L3MBTL4: variants seen among roughly 807,000 people sequenced by gnomAD.
L3MBTL4 encodes the protein lethal(3)malignant brain tumor-like protein 4.
A neutral mutation model predicts 84.5 loss-of-function variants in L3MBTL4; 70 were observed. The observed-to-expected ratio is 0.83, with a 90% CI of 0.68 to 1.01. L3MBTL4 has a LOEUF of 1.01. Ranked by LOEUF, L3MBTL4 falls within the 50% of genes least tolerant of loss-of-function variation. The pLI is 0.00. For synonymous variants in L3MBTL4, 274 were observed against 259.8 expected, an observed-to-expected ratio of 1.05 and a Z score of -0.52; for missense variants, 715 against 754.8, an observed-to-expected ratio of 0.95 and a Z score of 0.62.
At chr18:6,377,655 T>A (rs560360295) in intron 1 of L3MBTL4, among the ~76,000 whole-genome samples, 1 of 152,328 alleles carries the variant, frequency 6.6e-6, no homozygotes, top group Non-Finnish European at 1.5e-5. Flanking sequence ...CATGAACACA[T>A]CCTTTTTTAT....
At chr18:6,391,752 A>AACAACAACTACTACTACTACT (rs1555755552) in intron 1 of L3MBTL4, among the ~76,000 whole-genome samples, 2,884 of 150,058 alleles carry the variant, frequency 0.019, 102 homozygotes, top group African/African-American at 0.067. Context: ...CAACAACAAC[A>AACAACAACTACTACTACTACT]ACTACTACTA....
At chr18:6,183,404 C>T (rs188499594) in intron 12 of L3MBTL4, among the ~76,000 whole-genome samples, 70 of 152,346 alleles carry the variant, frequency 4.6e-4, no homozygotes, top group African/African-American at 1.3e-3. Flanking sequence ...GCCGACGCTG[C>T]GCCTTCACTG....
intron 16 of L3MBTL4, among the ~76,000 whole-genome samples, chr18:6,008,236 G>T (rs8096527): frequency 2.6e-5 from 4 of 152,184 alleles, no homozygotes; most frequent in Non-Finnish European, 5.9e-5. Flanking sequence ...TCCACACTCC[G>T]CTCTGTAACT....
chr18:6,391,062 T>G (rs937986565), intron 1 of L3MBTL4, among the ~76,000 whole-genome samples: 1 of 152,106 alleles, frequency 6.6e-6, no homozygotes, highest in Admixed American at 6.6e-5. Flanking sequence ...ATATCCCTGA[T>G]GAACACAGAT....
At chr18:6,237,580 C>T (rs552122587) in intron 10 of L3MBTL4, among the ~76,000 whole-genome samples, 3 of 151,410 alleles carry the variant, frequency 2.0e-5, no homozygotes, top group Admixed American at 2.0e-4. Flanking sequence ...CTCAGCCTCC[C>T]AAGTAGCTGG....
At chr18:6,223,381 T>C (rs1017261731) in intron 10 of L3MBTL4, among the ~76,000 whole-genome samples, 4 of 152,194 alleles carry the variant, frequency 2.6e-5, no homozygotes, top group Non-Finnish European at 5.9e-5. Flanking sequence ...TAACACATTA[T>C]GAAATATTAT....
chr18:6,272,656 G>T (rs1489442603), intron 4 of L3MBTL4, among the ~76,000 whole-genome samples: 1 of 92,902 alleles, frequency 1.1e-5, no homozygotes, highest in Non-Finnish European at 2.1e-5. Flanking sequence ...AATTCAACTA[G>T]GACTGAATAT....
intron 13 of L3MBTL4, among the ~76,000 whole-genome samples, chr18:6,140,242 G>A (rs971641716): frequency 1.3e-5 from 2 of 152,212 alleles, no homozygotes; most frequent in Admixed American, 1.3e-4. Flanking sequence ...CCCTTCTGAG[G>A]GGCCATAACC....
At chr18:6,053,538 T>C (rs930058148) in intron 16 of L3MBTL4, among the ~76,000 whole-genome samples, 1 of 152,210 alleles carries the variant, frequency 6.6e-6, no homozygotes, top group Non-Finnish European at 1.5e-5. Flanking sequence ...CAAAGATTAC[T>C]TCTGTGAGGA....
At chr18:6,288,738 C>A (rs1222992842) in intron 4 of L3MBTL4, among the ~76,000 whole-genome samples, 7 of 152,002 alleles carry the variant, frequency 4.6e-5, no homozygotes, top group Non-Finnish European at 4.4e-5. Context: ...GAAATAATAA[C>A]TAGCTCTAAT....
At chr18:6,036,932 G>A (rs1008025279) in intron 16 of L3MBTL4, among the ~76,000 whole-genome samples, 3 of 152,154 alleles carry the variant, frequency 2.0e-5, no homozygotes, top group South Asian at 2.1e-4. Flanking sequence ...GCTTTTGGAT[G>A]TTTTAGTCTT....
intron 1 of L3MBTL4, among the ~76,000 whole-genome samples, chr18:6,384,069 T>G (rs1478562710): frequency 6.6e-6 from 1 of 152,188 alleles, no homozygotes; most frequent in Non-Finnish European, 1.5e-5. Flanking sequence ...GCTTCCTTTG[T>G]AATGGTGATG....
intron 1 of L3MBTL4, among the ~76,000 whole-genome samples, chr18:6,329,692 C>A (rs115546571): frequency 0.015 from 2,340 of 152,272 alleles, 52 homozygotes; most frequent in African/African-American, 0.052. Flanking sequence ...GGTGAGGGGG[C>A]TGAGCACGTT....
chr18:6,095,463 G>A (rs1251461990), intron 14 of L3MBTL4, among the ~76,000 whole-genome samples: 2 of 149,078 alleles, frequency 1.3e-5, no homozygotes, highest in African/African-American at 5.0e-5. Context: ...CCATTCTCCT[G>A]CCTCAGCCTC....
At chr18:6,257,645 C>CTTTTTTTTTTTT (rs770563046) in intron 5 of L3MBTL4, among the ~76,000 whole-genome samples, 26 of 127,406 alleles carry the variant, frequency 2.0e-4, no homozygotes, top group South Asian at 2.6e-4. Flanking sequence ...TTTTCTTTTT[C>CTTTTTTTTTTTT]TTTTTTTTTT....
chr18:5,981,687 T>C (rs1315823602), intron 16 of L3MBTL4, among the ~76,000 whole-genome samples: 1 of 151,658 alleles, frequency 6.6e-6, no homozygotes, highest in Non-Finnish European at 1.5e-5. Flanking sequence ...TGGTGGCTCC[T>C]GCTTGTAGTC....
intron 5 of L3MBTL4, chr18:6,260,231 GTTATTTTTGCTTAGGATTGCTTTCAC>G (rs1229691435): frequency 6.6e-6 from 1 of 152,044 alleles, no homozygotes; most frequent in East Asian, 1.9e-4. Context: ...ACGATGCTTT[GTTATTTTTGCTTAGGATTGCTTTCAC>G]TATTTGGGCT....
rs563049370 is a variant in L3MBTL4, at chr18:6,379,829, C to T, written c.-91+34972G>A. On this transcript the variant is annotated intron_variant, in intron 1 of 18. Coordinates refer to ENST00000317931, the MANE Select transcript of L3MBTL4 (RefSeq NM_001330559.2). Reference sequence around the variant, plus strand: ...TTTGGTATCGGAATGATGCTGGCCTCATAAAATGAGTTAGGGAGGATTCTC... The same window carrying T: ...TTTGGTATCGGAATGATGCTGGCCTTATAAAATGAGTTAGGGAGGATTCTC... 2.4e-4 allele frequency among the ~76,000 whole-genome samples: 37 copies of T among 152,280 alleles called. 1 individual carries two copies. The South Asian group carries it at 6.6e-3, about 27-fold the overall frequency.
intron 1 of L3MBTL4, among the ~76,000 whole-genome samples, chr18:6,373,298 AC>A (rs1032636774): frequency 3.9e-5 from 6 of 152,166 alleles, no homozygotes; most frequent in Non-Finnish European, 8.8e-5. Flanking sequence ...CTTTTATCAA[AC>A]CTTCCCAAAG....
Sources: gnomAD v4.1 joint callset for allele counts (sites outside exome capture counted in the v4.1 genomes callset) on GRCh38, gnomAD v4.1.1 for gene constraint, MANE v1.5 for transcripts, NCBI Gene and HGNC (gene_info 2026-07-23, HGNC 2026-07-21) for gene names.